Variants in MFRP observed in about 807,000 individuals in gnomAD.
MFRP encodes membrane frizzled-related protein.
Under a neutral mutation model 65.8 loss-of-function variants are expected in MFRP, and 74 were observed. The observed-to-expected ratio is 1.12, with a 90% CI of 0.93 to 1.36. The LOEUF (loss-of-function observed/expected upper bound fraction) is 1.36. MFRP is among the 40% of genes most tolerant of loss of function. The pLI, the probability that MFRP is intolerant of heterozygous loss-of-function variation, is 0.00. For synonymous variants in MFRP, 336 were observed against 288.3 expected (o/e 1.17, Z -1.68); for missense variants, 838 against 736.0 (o/e 1.14, Z -1.60).
Position 119,340,257 on chromosome 11 carries a change from CG to C in MFRP, c.*1036del. Reference sequence around the variant, plus strand: ...CGCGGCCGTCGCGGCCATCGCGGCCCGGCAAGCCCTGGCTGCCATGGTGGCC... The same window carrying C: ...CGCGGCCGTCGCGGCCATCGCGGCCCGCAAGCCCTGGCTGCCATGGTGGCC... On this transcript the variant is annotated 3_prime_UTR_variant, in exon 14 of 15. Coordinates refer to ENST00000619721, the MANE Select transcript of MFRP (RefSeq NM_031433.4). 6.6e-7 allele frequency: 1 copy of C among 1,516,884 alleles called. No individual in the cohort carries two copies. Among genetic ancestry groups the C allele is most frequent in the Middle Eastern group, 2.3e-4 (1 of 4,376 alleles). The allele number at this position is 1,516,884 out of a possible 1,614,324, so 94.0% of individuals were successfully genotyped here.
chr11:119,342,423 C>T (rs1950511237), intron 11 of MFRP, among the ~76,000 whole-genome samples, 173 bp downstream of exon 11: 1 of 152,168 alleles, frequency 6.6e-6, no homozygotes, highest in Non-Finnish European at 1.5e-5. Context: ...CTATTGCCAC[C>T]ACCAGCCGAC....
rs146702828 is a variant in MFRP at position 119,346,666 on chromosome 11, G to A, written c.-153C>T. On this transcript the variant is annotated 5_prime_UTR_variant, in exon 1 of 15. Transcript: ENST00000619721. ...CTAGACCAGTTCTTGGGCTGTCCTTGGTAGAGTGGTTTGGCCTATGGGCTA... is the reference window on the plus strand; with the variant it reads ...CTAGACCAGTTCTTGGGCTGTCCTTAGTAGAGTGGTTTGGCCTATGGGCTA... The A allele has an allele frequency of 1.1e-4, 81 of 764,766 alleles. No individual in the cohort carries two copies. The African/African-American group carries it at 1.3e-3, about 12-fold the overall frequency. The allele number at this position is 764,766 out of a possible 1,614,324, so 47.4% of individuals were successfully genotyped here.
intron 13 of MFRP, 58 bp downstream of exon 13, chr11:119,340,637 C>T: frequency 1.8e-6 from 1 of 546,618 alleles, no homozygotes; most frequent in South Asian, 2.2e-5. Context: ...CGCCGGCCCG[C>T]GCCAGCCTTT....
At chr11:119,340,575 G>T (rs1950492803) in intron 13 of MFRP, 120 bp downstream of exon 13, 2 of 644,296 alleles carry the variant, frequency 3.1e-6, no homozygotes, top group Non-Finnish European at 5.2e-6. Context: ...CCGAGCATCC[G>T]GAGAGCACAG....
Position 119,344,613 on chromosome 11 carries a change from C to G in MFRP, c.898+19G>C, listed in dbSNP as rs777698284. On this transcript the variant is annotated intron_variant, in intron 7 of 14. Coordinates refer to ENST00000619721, the MANE Select transcript of MFRP (RefSeq NM_031433.4). Reference sequence around the variant, plus strand: ...CAGATCAGACGCCTGAAGAGAGGACCCCCATGCCTGGCCCGTACCCGAGAA... The same window carrying G: ...CAGATCAGACGCCTGAAGAGAGGACGCCCATGCCTGGCCCGTACCCGAGAA... 6.2e-7 allele frequency: 1 copy of G among 1,613,938 alleles called. No homozygotes were observed. The highest frequency in any genetic ancestry group is 1.3e-5 in the African/African-American group (1 of 75,052).
rs1033747538 is a variant in MFRP at position 119,346,327 on chromosome 11, G to T, written c.102C>A (p.Cys34Ter). 2 of 1,613,914 alleles carry T rather than the reference G, an allele frequency of 1.2e-6. No individual in the cohort carries two copies. The highest frequency in any genetic ancestry group is 1.7e-6 in the Non-Finnish European group (2 of 1,179,998). Residue 34 changes from cysteine to a stop codon, truncating the protein, a stop_gained, in exon 2 of 15, where the codon TGC becomes TGA. Transcript: ENST00000619721. LOFTEE classifies it high-confidence loss of function. ...CATCCTCTGGGAAAACTGGGGGAGG[G>T]CAGGGTGGCCCAGACTCAGGCTCGA... ...PAFEPESGPP[C>*]PPPVFPEDAS...
chr11:119,344,981 G>A lies in MFRP; in HGVS notation c.665C>T (p.Pro222Leu). 3.7e-6 allele frequency: 6 copies of A among 1,607,184 alleles called. No homozygotes were observed. The highest frequency in any genetic ancestry group is 1.7e-4 in the Middle Eastern group (1 of 6,054). The change falls in exon 6 of 15, where the codon CCC becomes CTC. Residue 222 changes from proline to leucine, a missense_variant. Coordinates refer to ENST00000619721, the MANE Select transcript of MFRP (RefSeq NM_031433.4). ...GTGGCTGGCATTGGTGTTGAGCGTG[G>A]GGGGAGGCACCCTTCCACAAACCCT... Reference protein sequence around the residue: ...LLRVCGRVPPPTLNTNASHLL... With the variant: ...LLRVCGRVPPLTLNTNASHLL...
In MFRP at chr11:119,345,554, G is replaced by A. The variant is rs1950555004; in HGVS notation, c.507C>T (p.His169=). Residue 169 remains histidine, a synonymous_variant, in exon 5 of 15, where the codon CAC becomes CAT. Coordinates refer to ENST00000619721, the MANE Select transcript of MFRP (RefSeq NM_031433.4). ...TGGCCACCTGGATATGCCACACGCA[G>A]TGGGTGTTGGGGGGGTAAGGGTCTG... ...NYPDPYPPNT[H]CVWHIQVATD... 1.2e-6 allele frequency: 2 copies of A among 1,613,990 alleles called. No homozygotes were observed. The highest frequency in any genetic ancestry group is 1.7e-6 in the Non-Finnish European group (2 of 1,180,048).
chr11:119,344,908 G>GT lies in MFRP; in HGVS notation c.737_738insA (p.Phe246LeufsTer18). ...GGGCCATAGCCTGGTACCAGGCATGGAAACCAAATCCTTCCACACTGCTGT... is the reference window on the plus strand; with the variant it reads ...GGGCCATAGCCTGGTACCAGGCATGGTAAACCAAATCCTTCCACACTGCTGT... On this transcript the variant is annotated frameshift_variant, in exon 6 of 15. Coordinates refer to ENST00000619721, the MANE Select transcript of MFRP (RefSeq NM_031433.4). LOFTEE classifies it high-confidence loss of function. 1.2e-6 allele frequency: 2 copies of GT among 1,612,534 alleles called. No homozygotes were observed. The highest frequency in any genetic ancestry group is 8.5e-7 in the Non-Finnish European group (1 of 1,179,684).
At chr11:119,344,110 C>T in intron 8 of MFRP, 146 bp from the exon 9 acceptor site, 2 of 1,165,734 alleles carry the variant, frequency 1.7e-6, no homozygotes, top group Non-Finnish European at 2.5e-6. Context: ...TTTAATTTAC[C>T]TGGTTTCAGA....
At chr11:119,344,268 T>G (rs1245367314) in intron 8 of MFRP, 47 bp downstream of exon 8, 9 of 1,550,740 alleles carry the variant, frequency 5.8e-6, no homozygotes, top group African/African-American at 1.4e-5. Context: ...GGGGATCAGG[T>G]GCTTCCGTGT....
At position 119,339,751 on chromosome 11, in the gene MFRP, G is replaced by A. The variant is rs1018727286; in HGVS notation, c.*1208C>T. ...TCTCGGAGCGCTTGGCGCTGAAGGC[G>A]GATCGCGGAGGCACCGAGCACTCCC... On this transcript the variant is annotated 3_prime_UTR_variant, in exon 15 of 15. Coordinates refer to ENST00000619721, the MANE Select transcript of MFRP (RefSeq NM_031433.4). The surrounding 1 kb of genome is among the most constrained non-coding windows in gnomAD (Gnocchi z 5.4). The A allele has an allele frequency of 6.3e-7, 1 of 1,592,388 alleles. No homozygotes were observed. Among genetic ancestry groups the A allele is most frequent in the African/African-American group, 1.3e-5 (1 of 74,898 alleles).
In MFRP at chr11:119,344,378, A is replaced by T; in HGVS notation, c.912T>A (p.Asn304Lys). The T allele has an allele frequency of 6.2e-7, 1 of 1,613,822 alleles. No homozygotes were observed. Among genetic ancestry groups the T allele is most frequent in the Non-Finnish European group, 8.5e-7 (1 of 1,179,904 alleles). Reference protein sequence around the residue: ...CSAKFSGCGGNLTGLQGTFST... With the variant: ...CSAKFSGCGGKLTGLQGTFST... ...AGAAAGTGCCCTGGAGGCCAGTCAGATTCCCCCCACACCCTGTAGAGAGGT... is the reference window on the plus strand; with the variant it reads ...AGAAAGTGCCCTGGAGGCCAGTCAGTTTCCCCCCACACCCTGTAGAGAGGT... The change falls in exon 8 of 15, where the codon AAT becomes AAA. Residue 304 changes from asparagine (N) to lysine (K), a missense_variant. Coordinates refer to ENST00000619721, the MANE Select transcript of MFRP (RefSeq NM_031433.4).
In MFRP at chr11:119,339,726, T is replaced by C. The variant is rs768577546; in HGVS notation, c.*1233A>G. On this transcript the variant is annotated 3_prime_UTR_variant, in exon 15 of 15. Transcript: ENST00000619721. The surrounding 1 kb of genome is among the most constrained non-coding windows in gnomAD (Gnocchi z 5.4). ...GCGTCAGACGGCGGAGGCACCCGGC[T>C]CTCGGAGCGCTTGGCGCTGAAGGCG... 6.2e-7 allele frequency: 1 copy of C among 1,600,546 alleles called. No individual in the cohort carries two copies. The highest frequency in any genetic ancestry group is 8.5e-7 in the Non-Finnish European group (1 of 1,178,356).
In MFRP at chr11:119,344,340, T is replaced by G. The variant is rs151160924; in HGVS notation, c.950A>C (p.Tyr317Ser). Residue 317 changes from tyrosine (Y) to serine (S), a missense_variant, in exon 8 of 15, where the codon TAC becomes TCC. Transcript: ENST00000619721. ...CAGTTGGTGAGGGTACTGCTGCAGG[T>G]AGCTGGGAGTAGAGAAAGTGCCCTG... Reference protein sequence around the residue: ...GLQGTFSTPSYLQQYPHQLLC... With the variant: ...GLQGTFSTPSSLQQYPHQLLC... 6.2e-7 allele frequency: 1 copy of G among 1,613,748 alleles called. No individual in the cohort carries two copies. Among genetic ancestry groups the G allele is most frequent in the African/African-American group, 1.3e-5 (1 of 74,822 alleles).
In MFRP at chr11:119,340,436, G is replaced by T. The variant is rs1950491140; in HGVS notation, c.*858C>A. Reference sequence around the variant, plus strand: ...GGAGCCCGGACGCCGGGGTCCTCTCGCAGTCTGTGGACCAGGCAGGACTGG... The same window carrying T: ...GGAGCCCGGACGCCGGGGTCCTCTCTCAGTCTGTGGACCAGGCAGGACTGG... On this transcript the variant is annotated 3_prime_UTR_variant, in exon 14 of 15. Coordinates refer to ENST00000619721, the MANE Select transcript of MFRP (RefSeq NM_031433.4). 5.9e-6 allele frequency: 9 copies of T among 1,528,234 alleles called. No homozygotes were observed. In the Admixed American group the frequency reaches 1.4e-4, roughly 23 times the overall value. 94.7% of individuals were successfully genotyped at this position (1,528,234 alleles called of 1,614,324 possible).
chr11:119,341,682 G>C lies in MFRP; in HGVS notation c.1606C>G (p.Pro536Ala). The change falls in exon 13 of 15, where the codon CCC becomes GCC. Residue 536 changes from proline (P) to alanine (A), a missense_variant. By Grantham distance (27) the Pro-to-Ala change is conservative (BLOSUM62 -1). Coordinates refer to ENST00000619721, the MANE Select transcript of MFRP (RefSeq NM_031433.4). ...PRCTPLGSVL[P>A]PCRSVCQEAE... ...TCCTGGCAGACAGAGCGGCAAGGGG[G>C]CAGAACACTGCCTAGTGGGGTGCAA... 1.9e-6 allele frequency: 3 copies of C among 1,613,110 alleles called. No homozygotes were observed. The highest frequency in any genetic ancestry group is 2.5e-6 in the Non-Finnish European group (3 of 1,180,026).
rs764488822 is a variant in MFRP, at chr11:119,346,377, G to A, written c.55-3C>T. ...AAGGCAGGATTGCAGAACTCGGTCT[G>A]GAAGGGGGAGATACTTGAGGGCTGA... On this transcript the variant is annotated splice_polypyrimidine_tract_variant and splice_region_variant and intron_variant, in intron 1 of 14. Coordinates refer to ENST00000619721, the MANE Select transcript of MFRP (RefSeq NM_031433.4). 1.9e-6 allele frequency: 3 copies of A among 1,613,952 alleles called. No homozygotes were observed. Among genetic ancestry groups the A allele is most frequent in the Non-Finnish European group, 2.5e-6 (3 of 1,179,890 alleles).
Position 119,346,147 on chromosome 11 carries a change from C to A in MFRP, c.170G>T (p.Arg57Leu), listed in dbSNP as rs746764269. The change falls in exon 3 of 15, where the codon CGA (arginine) becomes CTA (leucine). Residue 57 changes from arginine (R) to leucine (L), a missense_variant. By Grantham distance (102) the Arg-to-Leu change is moderately radical. Coordinates refer to ENST00000619721, the MANE Select transcript of MFRP (RefSeq NM_031433.4). ...GAAGCGGCAGTCTGGCCGTAGCCCT[C>A]GAGGACGCCGACCTGCGGGTTGGCA... ...VPAPWHGRRP[R>L]GLRPDCRFSW... is the part of the protein sequence containing the mutation. 6.3e-6 allele frequency: 10 copies of A among 1,593,296 alleles called. No homozygotes were observed. The Admixed American group carries it at 1.1e-4, about 17-fold the overall frequency.
Sources: gnomAD v4.1 joint callset for allele counts (sites outside exome capture counted in the v4.1 genomes callset) on GRCh38, gnomAD v4.1.1 for gene constraint, Gnocchi (gnomAD v3.1) non-coding constraint, MANE v1.5 for transcripts, NCBI Gene and HGNC (gene_info 2026-07-23, HGNC 2026-07-21) for gene names.